The following NTNG1 variants were observed in gnomAD, a reference collection of about 807,000 sequenced individuals.
The protein encoded by NTNG1 is netrin G1, also known as netrin-G1.
In NTNG1, 16 loss-of-function variants were observed where a neutral mutation model predicts 54.0. The ratio of observed to expected loss-of-function variants is 0.30; its 90% CI spans 0.20 to 0.45. NTNG1 has a LOEUF of 0.45. Ranked by LOEUF, NTNG1 falls within the 20% of genes least tolerant of loss-of-function variation. The pLI, the probability that NTNG1 is intolerant of heterozygous loss-of-function variation, is 1.00. For missense variants in NTNG1, 530 were observed against 678.7 expected, an observed-to-expected ratio of 0.78 and a Z score of 2.43; for synonymous variants, 255 against 263.1, an observed-to-expected ratio of 0.97 and a Z score of 0.30.
rs749203335 is a variant in NTNG1 at position 107,436,620 on chromosome 1, C to G, written c.1256-45C>G. 12 of 1,589,844 alleles carry G rather than the reference C, an allele frequency of 7.5e-6. No individual in the cohort carries two copies. The Admixed American group carries it at 8.5e-5, about 11-fold the overall frequency. ...CGCTCCTGTGTTGATAACCTGTAAG[C>G]CATGCAGACTTGTCTCCAGCCTGTG... On this transcript the variant is annotated intron_variant, in intron 6 of 7. Transcript: ENST00000370068.
intron 5 of NTNG1, among the ~76,000 whole-genome samples, chr1:107,429,016 C>T (rs756520374): frequency 2.0e-5 from 3 of 152,082 alleles, no homozygotes; most frequent in Non-Finnish European, 4.4e-5. Context: ...TCTCCCTCTC[C>T]TCCATACTCG....
At chr1:107,144,972 T>G (rs528195870) in intron 1 of NTNG1, among the ~76,000 whole-genome samples, 1 of 152,144 alleles carries the variant, frequency 6.6e-6, no homozygotes, top group South Asian at 2.1e-4. Flanking sequence ...TCTGTTCTTA[T>G]TTAGGTGATA....
chr1:107,382,017 ATGGT>A (rs1671675562), intron 3 of NTNG1, among the ~76,000 whole-genome samples: 1 of 152,082 alleles, frequency 6.6e-6, no homozygotes, highest in Non-Finnish European at 1.5e-5. Flanking sequence ...ACCAATCACA[ATGGT>A]TGGTTCAATT....
intron 2 of NTNG1, among the ~76,000 whole-genome samples, chr1:107,155,151 C>T (rs1369434371): frequency 6.6e-6 from 1 of 151,962 alleles, no homozygotes; most frequent in Non-Finnish European, 1.5e-5. Context: ...GCTTGCTCTG[C>T]TTTTCTTTGA....
chr1:107,232,273 A>T (rs1661120568), intron 2 of NTNG1, among the ~76,000 whole-genome samples: 1 of 152,256 alleles, frequency 6.6e-6, no homozygotes, highest in Non-Finnish European at 1.5e-5. Flanking sequence ...GAGTTTTTAT[A>T]GGTGAAATAT....
rs539624883 is a variant in NTNG1, at chr1:107,141,313, C to G, written c.-526+173C>G. ...GCTCCCGCCTGGGGAGGAGGCTCCG[C>G]GGGAGCTGCCGCCCTCCGCCCGTAC... On this transcript the variant is annotated intron_variant, in intron 1 of 7. Transcript: ENST00000370068. 2.1e-4 allele frequency: 32 copies of G among 150,532 alleles called. No homozygotes were observed. In the East Asian group the frequency reaches 3.9e-3, roughly 19 times the overall value. The allele number at this position is 150,532 out of a possible 1,614,324, so 9.3% of individuals were successfully genotyped here.
At chr1:107,225,448 G>A (rs1453931336) in intron 2 of NTNG1, among the ~76,000 whole-genome samples, 1 of 152,126 alleles carries the variant, frequency 6.6e-6, no homozygotes, top group Non-Finnish European at 1.5e-5. Context: ...CAAGTTTTGT[G>A]TATAGTTCAG....
At chr1:107,448,648 T>C (rs1482338838) in intron 7 of NTNG1, among the ~76,000 whole-genome samples, 1 of 152,106 alleles carries the variant, frequency 6.6e-6, no homozygotes, top group Non-Finnish European at 1.5e-5. Context: ...AGAAGTTTTG[T>C]TGTTGCTTTT....
At chr1:107,153,178 A>G (rs776222929) in intron 2 of NTNG1, among the ~76,000 whole-genome samples, 41 of 152,208 alleles carry the variant, frequency 2.7e-4, no homozygotes, top group Non-Finnish European at 4.4e-4. Flanking sequence ...GTTTCAAAGG[A>G]ACGCTGAGAG....
chr1:107,166,539 C>G lies in NTNG1; in HGVS notation c.246+17700C>G, dbSNP rs528472115. Among the ~76,000 whole-genome samples the G allele has an allele frequency of 6.6e-5, 10 of 152,124 alleles. No homozygotes were observed. The South Asian group carries it at 2.1e-3, about 32-fold the overall frequency. ...TATACAAAAGTAAGTTGCCATAATT[C>G]TTATTTTGTATTTATTTGCAAGCTC... On this transcript the variant is annotated intron_variant, in intron 2 of 7. Transcript: ENST00000370068.
intron 4 of NTNG1, among the ~76,000 whole-genome samples, chr1:107,396,341 G>A (rs956993863): frequency 6.6e-6 from 1 of 152,128 alleles, no homozygotes; most frequent in African/African-American, 2.4e-5. Flanking sequence ...ACTTTATCAA[G>A]TTAAACGTAA....
chr1:107,458,131 G>T (rs1199891194), intron 7 of NTNG1, among the ~76,000 whole-genome samples: 1 of 152,076 alleles, frequency 6.6e-6, no homozygotes. Context: ...AAAACACACA[G>T]AACAATAAAA....
chr1:107,357,567 A>T (rs986528008), intron 3 of NTNG1, among the ~76,000 whole-genome samples: 2 of 152,218 alleles, frequency 1.3e-5, no homozygotes, highest in Admixed American at 6.5e-5. Flanking sequence ...GGCTGATCTG[A>T]TAGAAATAGT....
intron 3 of NTNG1, among the ~76,000 whole-genome samples, chr1:107,345,093 A>G (rs1669133196): frequency 6.6e-6 from 1 of 152,172 alleles, no homozygotes; most frequent in Non-Finnish European, 1.5e-5. Flanking sequence ...AATAATTCCA[A>G]GAGAGACTAG....
chr1:107,386,628 T>C (rs554441824), intron 3 of NTNG1, among the ~76,000 whole-genome samples: 1 of 152,366 alleles, frequency 6.6e-6, no homozygotes, highest in Non-Finnish European at 1.5e-5. Context: ...TTTGTTTATC[T>C]ATTCATCAGT....
chr1:107,270,922 G>A (rs548184429), intron 2 of NTNG1, among the ~76,000 whole-genome samples: 253 of 151,942 alleles, frequency 1.7e-3, no homozygotes, highest in Non-Finnish European at 1.8e-3. Flanking sequence ...ACAACATATA[G>A]GATGATTCTG....
chr1:107,191,274 G>A (rs1657902728), intron 2 of NTNG1, among the ~76,000 whole-genome samples: 1 of 150,318 alleles, frequency 6.7e-6, no homozygotes, highest in Admixed American at 6.7e-5. Flanking sequence ...TGATGGGGTT[G>A]TTTGTTTTTT....
At chr1:107,201,228 G>T (rs1461213005) in intron 2 of NTNG1, among the ~76,000 whole-genome samples, 1 of 151,552 alleles carries the variant, frequency 6.6e-6, no homozygotes, top group Non-Finnish European at 1.5e-5. Context: ...TCACTTTTAG[G>T]CATGGAGACC....
intron 2 of NTNG1, among the ~76,000 whole-genome samples, chr1:107,283,737 C>T (rs1477779014): frequency 1.3e-5 from 2 of 152,146 alleles, no homozygotes; most frequent in African/African-American, 4.8e-5. Context: ...AATCCTCATA[C>T]TTGTGCTGAA....
Sources: gnomAD v4.1 joint callset for allele counts (sites outside exome capture counted in the v4.1 genomes callset) on GRCh38, gnomAD v4.1.1 for gene constraint, MANE v1.5 for transcripts, NCBI Gene and HGNC (gene_info 2026-07-23, HGNC 2026-07-21) for gene names.